The following EHBP1 variants were observed in gnomAD, a reference collection of about 807,000 sequenced individuals.
EHBP1 encodes EH domain binding protein 1.
Under a neutral mutation model 144.0 loss-of-function variants are expected in EHBP1, and 55 were observed. That is an observed-to-expected ratio of 0.38 (90% confidence interval 0.31 to 0.48). EHBP1 has a LOEUF of 0.48. Ranked by LOEUF, EHBP1 falls within the 20% of genes least tolerant of loss-of-function variation. The pLI is 0.98. For missense variants in EHBP1, 1,200 were observed against 1,364.2 expected (o/e 0.88, Z 1.90); for synonymous variants, 469 against 472.7 (o/e 0.99, Z 0.10).
chr2:62,813,580 C>T (rs1053398571), intron 5 of EHBP1, among the ~76,000 whole-genome samples: 2 of 152,126 alleles, frequency 1.3e-5, no homozygotes, highest in Non-Finnish European at 2.9e-5. Context: ...AAGCTGCAGG[C>T]GTGAAACTCC....
chr2:62,731,138 T>C (rs528714720), intron 2 of EHBP1, among the ~76,000 whole-genome samples: 1 of 152,138 alleles, frequency 6.6e-6, no homozygotes, highest in African/African-American at 2.4e-5. Flanking sequence ...GATTTATACC[T>C]AAGTATTTCA....
At chr2:62,838,598 A>T (rs1223556517) in intron 7 of EHBP1, among the ~76,000 whole-genome samples, 1 of 151,966 alleles carries the variant, frequency 6.6e-6, no homozygotes, top group Admixed American at 6.5e-5. Context: ...CACTAGCAAG[A>T]CTAATAAAGA....
At chr2:62,840,713 T>C (rs2047756388) in intron 7 of EHBP1, among the ~76,000 whole-genome samples, 1 of 151,116 alleles carries the variant, frequency 6.6e-6, no homozygotes, top group South Asian at 2.1e-4. Context: ...AGAAGACATT[T>C]ATGCAGCCAA....
upstream of EHBP1, among the ~76,000 whole-genome samples, chr2:62,705,224 C>T (rs1335281332): frequency 6.6e-6 from 1 of 151,848 alleles, no homozygotes; most frequent in Non-Finnish European, 1.5e-5. Context: ...GAGGAGAGGG[C>T]GCGCCCAGGT....
At chr2:62,676,154 G>A (rs113614624) in intron 1 of EHBP1, among the ~76,000 whole-genome samples, 1 of 83,626 alleles carries the variant, frequency 1.2e-5, no homozygotes, top group Admixed American at 1.0e-4. Flanking sequence ...TAATTAAGCA[G>A]GCCAAAATAG....
rs138617657 is a variant in EHBP1 at position 63,017,340 on chromosome 2, A to T, written c.3104-20195A>T. On this transcript the variant is annotated intron_variant, in intron 19 of 22. Coordinates refer to ENST00000431489, the MANE Select transcript of EHBP1 (RefSeq NM_001142616.3). The stretch of plus-strand genomic sequence containing the variant: ...TCCCCGGCCCAGCCAATATACTTGG[A>T]TCCCTCATTATGCCTGAGGTTTTGA... 1.1e-4 allele frequency among the ~76,000 whole-genome samples: 17 copies of T among 152,304 alleles called. No individual in the cohort carries two copies. In the East Asian group the frequency reaches 3.1e-3, roughly 28 times the overall value.
chr2:62,874,352 T>A lies in EHBP1; in HGVS notation c.1005T>A (p.Asn335Lys), dbSNP rs1267704908. The A allele has an allele frequency of 3.2e-6, 5 of 1,583,872 alleles. No individual in the cohort carries two copies. Among genetic ancestry groups the A allele is most frequent in the Non-Finnish European group, 1.7e-6 (2 of 1,165,626 alleles). ...KTEEEELDES[N>K]PFYEPKSTPP... ...TAATTCTTCTTTCACTTAGATCAAA[T>A]CCTTTTTATGAACCTAAATCAACTC... Residue 335 changes from asparagine (N) to lysine (K), a missense_variant, in exon 10 of 23, where the codon AAT becomes AAA. By Grantham distance (94) the Asn-to-Lys change is moderately conservative. Around this residue, in one of 6 missense-constraint regions of EHBP1, gnomAD observed 266 missense variants for 262.4 expected, o/e 1.01. Transcript: ENST00000431489.
intron 19 of EHBP1, among the ~76,000 whole-genome samples, chr2:63,008,250 T>C (rs1169184987): frequency 1.3e-5 from 2 of 151,704 alleles, no homozygotes; most frequent in Admixed American, 6.6e-5. Flanking sequence ...AAGTACATGC[T>C]GGGGTGGACT....
intron 5 of EHBP1, among the ~76,000 whole-genome samples, chr2:62,807,364 A>G (rs181695123): frequency 3.9e-5 from 6 of 152,216 alleles, no homozygotes; most frequent in Non-Finnish European, 5.9e-5. Context: ...CCTGACCAAC[A>G]CGGAGAAACC....
rs527533397 is a variant in EHBP1 at position 62,847,848 on chromosome 2, G to A, written c.635-11321G>A. On this transcript the variant is annotated intron_variant, in intron 7 of 22. Coordinates refer to ENST00000431489, the MANE Select transcript of EHBP1 (RefSeq NM_001142616.3). ...TTTTTTTAAAATGGACAAAGATTTG[G>A]ACATATGGTTCACAAAGATCTATCA... Among the ~76,000 whole-genome samples, 11 of 152,060 alleles carry A rather than the reference G, an allele frequency of 7.2e-5. No individual in the cohort carries two copies. In the South Asian group the frequency reaches 2.3e-3, roughly 32 times the overall value.
At chr2:62,701,070 C>T (rs2034267595), upstream of EHBP1, among the ~76,000 whole-genome samples, 1 of 152,202 alleles carries the variant, frequency 6.6e-6, no homozygotes, top group Admixed American at 6.5e-5. Flanking sequence ...ATCCAGCTCT[C>T]ATTACATCCC....
At chr2:62,692,102 C>T (rs1054194537) in intron 1 of EHBP1, among the ~76,000 whole-genome samples, 3 of 152,098 alleles carry the variant, frequency 2.0e-5, no homozygotes, top group Admixed American at 6.6e-5. Context: ...TTGTCTTTTA[C>T]GGACATTTCA....
chr2:62,774,306 G>C (rs1558648204), intron 5 of EHBP1, among the ~76,000 whole-genome samples: 1 of 151,838 alleles, frequency 6.6e-6, no homozygotes, highest in Non-Finnish European at 1.5e-5. Context: ...GGGAGGCAGA[G>C]GTTGCAGTGA....
chr2:62,842,855 A>G (rs2048014580), intron 7 of EHBP1, among the ~76,000 whole-genome samples: 2 of 152,204 alleles, frequency 1.3e-5, no homozygotes. Flanking sequence ...TTTTGATCAC[A>G]GCAGTGGGAG....
intron 4 of EHBP1, among the ~76,000 whole-genome samples, chr2:62,768,229 C>A (rs1420247551): frequency 2.0e-5 from 3 of 152,100 alleles, no homozygotes; most frequent in Non-Finnish European, 4.4e-5. Context: ...TCAACAAATA[C>A]AGAAGTTGGT....
intron 21 of EHBP1, among the ~76,000 whole-genome samples, chr2:63,040,446 A>C (rs2061611062): frequency 6.6e-6 from 1 of 152,178 alleles, no homozygotes; most frequent in African/African-American, 2.4e-5. Context: ...CAGCAGTCCT[A>C]TCCCTATATA....
At chr2:62,691,212 T>G (rs2033892475) in intron 1 of EHBP1, among the ~76,000 whole-genome samples, 1 of 152,244 alleles carries the variant, frequency 6.6e-6, no homozygotes, top group Admixed American at 6.5e-5. Context: ...ATATGATTAC[T>G]TCTGTCTCAT....
chr2:62,704,643 C>T (rs994176985), upstream of EHBP1, among the ~76,000 whole-genome samples: 3 of 152,152 alleles, frequency 2.0e-5, no homozygotes, highest in African/African-American at 4.8e-5. Context: ...CCTTCTCGGT[C>T]TCTTTCCCAT....
chr2:62,820,908 A>G (rs2045933383), intron 5 of EHBP1, among the ~76,000 whole-genome samples: 1 of 151,050 alleles, frequency 6.6e-6, no homozygotes, highest in Non-Finnish European at 1.5e-5. Flanking sequence ...GGGAGGGGAC[A>G]TGCAGCTTGT....
Sources: allele counts gnomAD v4.1 joint callset (sites outside exome capture counted in the v4.1 genomes callset), GRCh38; gene constraint gnomAD v4.1.1; regional missense constraint gnomAD v4.1.1; transcripts MANE v1.5; gene names NCBI Gene and HGNC (gene_info 2026-07-23, HGNC 2026-07-21).